The following PKD1 variants were observed in gnomAD, a reference collection of about 807,000 sequenced individuals.
PKD1 encodes polycystin-1.
In PKD1, 81 loss-of-function variants were observed where a neutral mutation model predicts 361.7. The ratio of observed to expected loss-of-function variants is 0.22; its 90% confidence interval spans 0.19 to 0.27. PKD1 has a LOEUF of 0.27. Among genes scored for constraint, PKD1 ranks in the 10% least tolerant of loss-of-function variants. The probability of loss-of-function intolerance (pLI) is 1.00; values close to 1 mark genes in which losing one functional copy is unlikely to be tolerated. For synonymous variants in PKD1, 3,615 were observed against 2,818.3 expected, an observed-to-expected ratio of 1.28 and a Z score of -8.95; for missense variants, 6,399 against 6,118.3, an observed-to-expected ratio of 1.05 and a Z score of -1.53.
chr16:2,088,890 C>CCG lies in PKD1; in HGVS notation c.*836_*837insCG. On this transcript the variant is annotated 3_prime_UTR_variant, in exon 46 of 46. Transcript: ENST00000262304. Reference sequence around the variant, plus strand: ...TCGCGCGTGCGCGCGCGCACACACACACACACACAGTCACCTTCCTCCACC... The same window carrying CCG: ...TCGCGCGTGCGCGCGCGCACACACACCGACACACACAGTCACCTTCCTCCACC... The CCG allele has an allele frequency of 6.6e-6, 3 of 454,012 alleles. No individual in the cohort carries two copies. The highest frequency in any genetic ancestry group is 2.3e-5 in the South Asian group (1 of 43,688). The allele number at this position is 454,012 out of a possible 1,614,324, so 28.1% of individuals were successfully genotyped here.
chr16:2,091,837 C>A lies in PKD1; in HGVS notation c.11481G>T (p.Leu3827=), dbSNP rs548274621. Residue 3827 remains leucine (L), a synonymous_variant, in exon 41 of 46, where the codon CTG becomes CTT. Transcript: ENST00000262304. The part of the protein sequence containing the change: ...GGYVQELGLS[L]EESRDRLRFL... ...AGCGCAGCCGGTCGCGGCTCTCCTC[C>A]AGGCTCAGGCCCAGCTCCTGCACGT... The A allele has an allele frequency of 1.2e-6, 2 of 1,610,250 alleles. No individual in the cohort carries two copies. Among genetic ancestry groups the A allele is most frequent in the Non-Finnish European group, 1.7e-6 (2 of 1,179,128 alleles).
rs1311531741 is a variant in PKD1 at position 2,088,886 on chromosome 16, C to G, written c.*841G>C. ...ACACTCGCGCGTGCGCGCGCGCACA[C>G]ACACACACACACAGTCACCTTCCTC... On this transcript the variant is annotated 3_prime_UTR_variant, in exon 46 of 46. Coordinates refer to ENST00000262304, the MANE Select transcript of PKD1 (RefSeq NM_001009944.3). 2.7e-6 allele frequency: 1 copy of G among 372,914 alleles called. No individual in the cohort carries two copies. The allele number at this position is 372,914 out of a possible 1,614,324, so 23.1% of individuals were successfully genotyped here.
chr16:2,126,475 G>A (rs1181950064), intron 1 of PKD1, among the ~76,000 whole-genome samples: 1 of 152,282 alleles, frequency 6.6e-6, no homozygotes, highest in Admixed American at 6.5e-5. Flanking sequence ...CCTGCCACCA[G>A]TGCCTGGGCA....
Position 2,118,191 on chromosome 16 carries a change from G to A in PKD1, c.801C>T (p.His267=), listed in dbSNP as rs1039303301. ...PTCRGPTLLQ[H]VFPASPGATL... ...TGGCCCCTGGGGAGGCAGGGAAGAC[G>A]TGCTGGAGGAGGGTGGGGCCCCTAC... The change falls in exon 5 of 46, where the codon CAC becomes CAT. Residue 267 remains histidine, a synonymous_variant. Coordinates refer to ENST00000262304, the MANE Select transcript of PKD1 (RefSeq NM_001009944.3). This position sits in a 1 kb window ranked among gnomAD's most constrained non-coding sequence, Gnocchi z 6.0. 10 of 1,549,206 alleles carry A rather than the reference G, an allele frequency of 6.5e-6. No individual in the cohort carries two copies. Among genetic ancestry groups the A allele is most frequent in the Admixed American group, 1.9e-5 (1 of 51,824 alleles).
In PKD1 at chr16:2,101,449, T is replaced by C. The variant is rs2092093400; in HGVS notation, c.9397+612A>G. Among the ~76,000 whole-genome samples, 5 of 152,126 alleles carry C rather than the reference T, an allele frequency of 3.3e-5. No individual in the cohort carries two copies. In the South Asian group the frequency reaches 1.0e-3, roughly 32 times the overall value. ...GATCACCTGAGGTCAGGAGTTCGCC[T>C]GGCTGACATGGTGAAAAATTAACTG... On this transcript the variant is annotated intron_variant, in intron 26 of 45. Coordinates refer to ENST00000262304, the MANE Select transcript of PKD1 (RefSeq NM_001009944.3).
chr16:2,091,514 G>C lies in PKD1; in HGVS notation c.11621C>G (p.Pro3874Arg). 2 of 1,456,820 alleles carry C rather than the reference G, an allele frequency of 1.4e-6. No individual in the cohort carries two copies. The highest frequency in any genetic ancestry group is 1.3e-5 in the South Asian group (1 of 74,782). 90.2% of individuals were successfully genotyped at this position (1,456,820 alleles called of 1,614,324 possible). The part of the protein sequence containing the change: ...HAAVTLRLEF[P>R]AAGRALAALS... ...GGCGGCCAGGGCGCGGCCGGCCGCC[G>C]GGAACTCGAGGCGCAGCGTGACGGC... Residue 3874 changes from proline (P) to arginine (R), a missense_variant, in exon 42 of 46, where the codon CCG becomes CGG. By Grantham distance (103) the Pro-to-Arg change is moderately radical (BLOSUM62 -2). Coordinates refer to ENST00000262304, the MANE Select transcript of PKD1 (RefSeq NM_001009944.3).
chr16:2,111,165 G>A lies in PKD1; in HGVS notation c.4002C>T (p.Ser1334=), dbSNP rs2092492735. 4 of 1,611,326 alleles carry A rather than the reference G, an allele frequency of 2.5e-6. No individual in the cohort carries two copies. The highest frequency in any genetic ancestry group is 1.1e-5 in the South Asian group (1 of 91,016). Residue 1334 remains serine, a synonymous_variant, in exon 15 of 46, where the codon TCC becomes TCT. Coordinates refer to ENST00000262304, the MANE Select transcript of PKD1 (RefSeq NM_001009944.3). ...GGCACCCCCGCACGGTCGTGTTGGA[G>A]GAGCCATCCCCGAAGGTCCAGTCGA... ...YLFDWTFGDG[S]SNTTVRGCPT... is the part of the protein sequence containing the mutation.
intron 8 of PKD1, 34 bp from the exon 9 acceptor site, chr16:2,116,152 C>G (rs1320178194): frequency 6.4e-7 from 1 of 1,552,680 alleles, no homozygotes; most frequent in Non-Finnish European, 8.7e-7. Flanking sequence ...GCTCCACAGA[C>G]CCCATCCCAG....
Position 2,089,756 on chromosome 16 carries a change from T to A in PKD1, c.12883A>T (p.Lys4295Ter), listed in dbSNP as rs747271098. Residue 4295 changes from lysine (K) to a stop codon, truncating the protein, a stop_gained, in exon 46 of 46, where the codon AAG (lysine) becomes TAG (stop). Coordinates refer to ENST00000262304, the MANE Select transcript of PKD1 (RefSeq NM_001009944.3). LOFTEE classifies it high-confidence loss of function. ...GTGCTGCTGGGGTGGACCTTGTTCT[T>A]GGCCCGAAGGGGTGTCCTGCTGGGG... is the stretch of plus-strand genomic sequence containing the variant. ...TGPSRTPLRA[K>*]NKVHPSST is the part of the protein sequence containing the mutation. The A allele has an allele frequency of 6.3e-7, 1 of 1,591,882 alleles. No individual in the cohort carries two copies. The highest frequency in any genetic ancestry group is 1.8e-5 in the Admixed American group (1 of 56,084).
At position 2,108,696 on chromosome 16, in the gene PKD1, C is replaced by T. The variant is rs749783586; in HGVS notation, c.6471G>A (p.Leu2157=). 4 of 1,569,922 alleles carry T rather than the reference C, an allele frequency of 2.5e-6. No homozygotes were observed. Among genetic ancestry groups the T allele is most frequent in the African/African-American group, 2.7e-5 (2 of 73,898 alleles). The change falls in exon 15 of 46, where the codon CTG becomes CTA. Residue 2157 remains leucine, a synonymous_variant. Transcript: ENST00000262304. ...REPEVDVVLP[L]QVLMRRSQRN... ...GCTGTGATCGCCGCATCAGCACCTG[C>T]AGGGGCAGGACCACGTCCACCTCCG...
At chr16:2,101,989 C>T in intron 26 of PKD1, 72 bp downstream of exon 26, 2 of 938,044 alleles carry the variant, frequency 2.1e-6, no homozygotes, top group Non-Finnish European at 3.4e-6. Flanking sequence ...CGACGAGACT[C>T]ACTCCCAGAG....
rs564105173 is a variant in PKD1 at position 2,093,140 on chromosome 16, T to C, written c.11017-47A>G. ...TGGTCAGCCTGGCCCCAGCCCACAG[T>C]GACAGCAGGGCTTTGGCAACGGCTG... On this transcript the variant is annotated intron_variant, in intron 37 of 45. Coordinates refer to ENST00000262304, the MANE Select transcript of PKD1 (RefSeq NM_001009944.3). The C allele has an allele frequency of 2.3e-5, 37 of 1,607,748 alleles. No individual in the cohort carries two copies. The South Asian group carries it at 3.7e-4, about 16-fold the overall frequency.
chr16:2,123,565 C>G (rs1469157837), intron 1 of PKD1: 5 of 454,680 alleles, frequency 1.1e-5, no homozygotes, highest in Non-Finnish European at 2.2e-5. Flanking sequence ...CCAGCCCCCC[C>G]ACCCCGCCCC....
Position 2,092,032 on chromosome 16 carries a change from C to G in PKD1, c.11411+15G>C, listed in dbSNP as rs752098720. 18 of 1,612,746 alleles carry G rather than the reference C, an allele frequency of 1.1e-5. No individual in the cohort carries two copies. The highest frequency in any genetic ancestry group is 1.5e-5 in the Non-Finnish European group (18 of 1,179,950). The stretch of plus-strand genomic sequence containing the variant: ...TGTCCTTGGCGTAGACGCCCGGGGC[C>G]CTCGCTCTGCTCACCCCAGCAGATC... On this transcript the variant is annotated intron_variant, in intron 40 of 45. Transcript: ENST00000262304.
chr16:2,097,561 C>G, intron 32 of PKD1, 58 bp from the exon 33 acceptor site: 1 of 1,604,672 alleles, frequency 6.2e-7, no homozygotes, highest in Non-Finnish European at 8.5e-7. Context: ...ACAGCCCACC[C>G]CCGTCCAGTC....
At position 2,102,115 on chromosome 16, in the gene PKD1, G is replaced by A. The variant is rs560896063; in HGVS notation, c.9343C>T (p.Arg3115Trp). The change falls in exon 26 of 46, where the codon CGG (arginine) becomes TGG (tryptophan). Residue 3115 changes from arginine to tryptophan, a missense_variant. Transcript: ENST00000262304. The part of the protein sequence containing the change: ...RGRAIPFCGQ[R>W]GRFKYEILVK... ...AGGATCTCGTACTTGAAGCGGCCCCGCTGCCCACAGAAAGGGATGGCGCGG... is the reference window on the plus strand; with the variant it reads ...AGGATCTCGTACTTGAAGCGGCCCCACTGCCCACAGAAAGGGATGGCGCGG... 28 of 1,566,282 alleles carry A rather than the reference G, an allele frequency of 1.8e-5. No individual in the cohort carries two copies. The East Asian group carries it at 2.5e-4, about 14-fold the overall frequency.
At chr16:2,090,832 T>C (rs779374680) in intron 43 of PKD1, 24 bp from the exon 44 acceptor site, 1 of 1,611,598 alleles carries the variant, frequency 6.2e-7, no homozygotes, top group East Asian at 2.2e-5. Flanking sequence ...ATCTGTCTGC[T>C]TGCAGCCCTG....
rs2092136156 is a variant in PKD1, at chr16:2,102,465, G to T, written c.9117C>A (p.Arg3039=). The change falls in exon 25 of 46, where the codon CGC becomes CGA. Residue 3039 remains arginine (R), a synonymous_variant. Transcript: ENST00000262304. ...GGTGGCGGGTGAGGCAGACGGCCTGGCGGGGCGAGGTCTCCTCCAGGGGCA... is the reference window on the plus strand; with the variant it reads ...GGTGGCGGGTGAGGCAGACGGCCTGTCGGGGCGAGGTCTCCTCCAGGGGCA... ...GLLPLEETSP[R]QAVCLTRHLT... is the part of the protein sequence containing the mutation. 1 of 1,555,206 alleles carries T rather than the reference G, an allele frequency of 6.4e-7. No homozygotes were observed. Among genetic ancestry groups the T allele is most frequent in the African/African-American group, 1.4e-5 (1 of 73,276 alleles).
chr16:2,125,017 G>A (rs894670569), intron 1 of PKD1, among the ~76,000 whole-genome samples: 1 of 152,192 alleles, frequency 6.6e-6, no homozygotes. Flanking sequence ...TGTGGGCGCT[G>A]GAGAGGACAG....
Sources: allele counts gnomAD v4.1 joint callset (sites outside exome capture counted in the v4.1 genomes callset), GRCh38; gene constraint gnomAD v4.1.1; non-coding constraint Gnocchi (gnomAD v3.1); transcripts MANE v1.5; gene names NCBI Gene and HGNC (gene_info 2026-07-23, HGNC 2026-07-21).